The following BAG4 variants were observed in gnomAD, a reference collection of about 807,000 sequenced individuals.
BAG4 encodes BAG cochaperone 4.
Under a neutral mutation model 52.1 loss-of-function variants are expected in BAG4, and 28 were observed. The observed-to-expected ratio is 0.54, with a 90% CI of 0.40 to 0.74. The LOEUF is 0.74. Ranked by LOEUF, BAG4 falls within the 30% of genes least tolerant of loss-of-function variation. The pLI, the probability that BAG4 is intolerant of heterozygous loss-of-function variation, is 0.00. For synonymous variants in BAG4, 208 were observed against 217.0 expected (o/e 0.96, Z 0.37); for missense variants, 525 against 572.0 (o/e 0.92, Z 0.84).
chr8:38,177,510 G>A (rs917150077), intron 1 of BAG4, among the ~76,000 whole-genome samples: 1 of 152,214 alleles, frequency 6.6e-6, no homozygotes, highest in African/African-American at 2.4e-5. Context: ...CTCTCCCGGG[G>A]AAGGGAAGTG....
chr8:38,192,423 G>T (rs1375425737), intron 1 of BAG4, among the ~76,000 whole-genome samples: 7 of 151,924 alleles, frequency 4.6e-5, no homozygotes, highest in Non-Finnish European at 1.0e-4. Flanking sequence ...TTATAGTTGG[G>T]GTCCTATTCC....
At chr8:38,203,345 C>T (rs1316602061) in intron 2 of BAG4, among the ~76,000 whole-genome samples, 4 of 148,478 alleles carry the variant, frequency 2.7e-5, no homozygotes, top group Non-Finnish European at 4.4e-5. Flanking sequence ...TGCCATGGCA[C>T]GATCTTGGCT....
intron 2 of BAG4, 148 bp from the exon 3 acceptor site, chr8:38,207,364 A>G: frequency 1.2e-6 from 1 of 863,580 alleles, no homozygotes; most frequent in Non-Finnish European, 1.7e-6. Context: ...GGGCTCCCAA[A>G]GTGCTGGGAT....
chr8:38,181,239 TAA>T (rs1202214706), intron 1 of BAG4, among the ~76,000 whole-genome samples: 4 of 151,222 alleles, frequency 2.6e-5, no homozygotes, highest in Non-Finnish European at 5.9e-5. Context: ...TTTTTTTTTT[TAA>T]ATTTTTTTTT....
Position 38,211,401 on chromosome 8 carries a change from T to C in BAG4, c.*908T>C, listed in dbSNP as rs1281515321. On this transcript the variant is annotated 3_prime_UTR_variant, in exon 5 of 5. Coordinates refer to ENST00000287322, the MANE Select transcript of BAG4 (RefSeq NM_004874.4). ...TTTTTTTTTCCCCAAAGTGTAGTTA[T>C]GTTTTCACTATTGCTGCTTCTATAG... is the stretch of plus-strand genomic sequence containing the variant. 6.6e-6 allele frequency: 1 copy of C among 151,376 alleles called. No homozygotes were observed. Among genetic ancestry groups the C allele is most frequent in the African/African-American group, 2.4e-5 (1 of 41,344 alleles). 9.4% of individuals were successfully genotyped at this position (151,376 alleles called of 1,614,324 possible).
At chr8:38,194,541 G>A (rs998102744) in intron 2 of BAG4, among the ~76,000 whole-genome samples, 2 of 148,872 alleles carry the variant, frequency 1.3e-5, no homozygotes, top group Non-Finnish European at 3.0e-5. Flanking sequence ...TCAGCCTCCC[G>A]AGTAGCTGGG....
At chr8:38,188,036 CA>C (rs1157770485) in intron 1 of BAG4, among the ~76,000 whole-genome samples, 1,204 of 37,128 alleles carry the variant, frequency 0.032, 4 homozygotes, top group African/African-American at 0.11. Flanking sequence ...GACTCCGTCT[CA>C]AAAAAAAAAA....
At chr8:38,206,539 C>T (rs1415077276) in intron 2 of BAG4, among the ~76,000 whole-genome samples, 4 of 151,864 alleles carry the variant, frequency 2.6e-5, no homozygotes, top group Non-Finnish European at 5.9e-5. Flanking sequence ...ATGTCATGAC[C>T]CAGCCATGAT....
In BAG4 at chr8:38,211,258, T is replaced by G. The variant is rs529901123; in HGVS notation, c.*765T>G. ...TGCTGTTCATGGTAGTAGTGGAAGGTAAATTTGGAAATGGCATTGACATAA... is the reference window on the plus strand; with the variant it reads ...TGCTGTTCATGGTAGTAGTGGAAGGGAAATTTGGAAATGGCATTGACATAA... On this transcript the variant is annotated 3_prime_UTR_variant, in exon 5 of 5. Coordinates refer to ENST00000287322, the MANE Select transcript of BAG4 (RefSeq NM_004874.4). The G allele has an allele frequency of 2.0e-5, 3 of 148,066 alleles. No individual in the cohort carries two copies. The highest frequency in any genetic ancestry group is 4.5e-5 in the Non-Finnish European group (3 of 67,266). The allele number at this position is 148,066 out of a possible 1,614,324, so 9.2% of individuals were successfully genotyped here. A position where few individuals can be genotyped will look rare whatever the true frequency, so the allele number is the denominator to read the frequency against.
intron 2 of BAG4, among the ~76,000 whole-genome samples, chr8:38,198,608 C>A (rs371535109): frequency 6.4e-4 from 96 of 150,880 alleles, no homozygotes; most frequent in African/African-American, 2.1e-3. Flanking sequence ...CCTGCCTCAG[C>A]CTCCTGAGTA....
At chr8:38,178,326 T>C (rs1474490250) in intron 1 of BAG4, among the ~76,000 whole-genome samples, 1 of 152,194 alleles carries the variant, frequency 6.6e-6, no homozygotes, top group Non-Finnish European at 1.5e-5. Flanking sequence ...GGCTAATTTT[T>C]GTATTTTTAG....
chr8:38,195,350 C>A (rs1160553543), intron 2 of BAG4, among the ~76,000 whole-genome samples: 1 of 152,008 alleles, frequency 6.6e-6, no homozygotes, highest in African/African-American at 2.4e-5. Context: ...GTTAGGGTTT[C>A]GCCATGTTAC....
chr8:38,204,986 T>A (rs890171998), intron 2 of BAG4, among the ~76,000 whole-genome samples: 1 of 152,024 alleles, frequency 6.6e-6, no homozygotes, highest in South Asian at 2.1e-4. Flanking sequence ...AAATAATTAT[T>A]TCATATCATT....
chr8:38,179,303 C>A (rs1039807156), intron 1 of BAG4, among the ~76,000 whole-genome samples: 2 of 151,876 alleles, frequency 1.3e-5, no homozygotes, highest in African/African-American at 4.8e-5. Context: ...ATTACAGGCG[C>A]CTGCCACCAT....
At chr8:38,181,808 T>C (rs979288754) in intron 1 of BAG4, among the ~76,000 whole-genome samples, 3 of 132,346 alleles carry the variant, frequency 2.3e-5, no homozygotes, top group Non-Finnish European at 4.6e-5. Flanking sequence ...TGAGAATTGC[T>C]CAAACCAGGG....
Position 38,176,912 on chromosome 8 carries a change from C to A in BAG4, c.43C>A (p.Pro15Thr). Residue 15 changes from proline (P) to threonine (T), a missense_variant, in exon 1 of 5, where the codon CCG becomes ACG. Coordinates refer to ENST00000287322, the MANE Select transcript of BAG4 (RefSeq NM_004874.4). The part of the protein sequence containing the change: ...RRSGYGPSDG[P>T]SYGRYYGPGG... ...CTCGGGCTACGGCCCCAGTGACGGT[C>A]CGTCCTACGGCCGCTACTACGGGCC... is the stretch of plus-strand genomic sequence containing the variant. 6.5e-7 allele frequency: 1 copy of A among 1,548,482 alleles called. No homozygotes were observed. The highest frequency in any genetic ancestry group is 8.7e-7 in the Non-Finnish European group (1 of 1,146,492).
intron 2 of BAG4, among the ~76,000 whole-genome samples, chr8:38,197,434 G>GA (rs1429612402): frequency 6.6e-6 from 1 of 152,080 alleles, no homozygotes; most frequent in Non-Finnish European, 1.5e-5. Context: ...TCTAAATATA[G>GA]AAAAGATACA....
At chr8:38,209,414 G>T in intron 4 of BAG4, 147 bp downstream of exon 4, 4 of 1,045,696 alleles carry the variant, frequency 3.8e-6, no homozygotes, top group East Asian at 2.8e-5. Context: ...CCTCAGCTCG[G>T]TTTCCTTTTT....
chr8:38,200,136 T>C (rs1180941297), intron 2 of BAG4, among the ~76,000 whole-genome samples: 1 of 151,904 alleles, frequency 6.6e-6, no homozygotes, highest in African/African-American at 2.4e-5. Flanking sequence ...CCCGAGTAGC[T>C]AGGATTACAG....
Sources: allele counts gnomAD v4.1 joint callset (sites outside exome capture counted in the v4.1 genomes callset), GRCh38; gene constraint gnomAD v4.1.1; transcripts MANE v1.5; gene names NCBI Gene and HGNC (gene_info 2026-07-23, HGNC 2026-07-21).